CYB5A: variants seen among roughly 807,000 people sequenced by gnomAD.
CYB5A encodes the protein cytochrome b5 type A, also known as cytochrome b5.
In CYB5A, 10 loss-of-function variants were observed where a neutral mutation model predicts 16.2. That is an observed-to-expected ratio of 0.62 (90% CI 0.38 to 1.04). CYB5A has a LOEUF of 1.04. CYB5A is among the 50% of genes least tolerant of loss of function. The pLI, the probability that CYB5A is intolerant of heterozygous loss-of-function variation, is 0.01. For missense variants in CYB5A, 161 were observed against 165.9 expected (o/e 0.97, Z 0.16); for synonymous variants, 62 against 57.0 (o/e 1.09, Z -0.40).
intron 1 of CYB5A, among the ~76,000 whole-genome samples, chr18:74,280,487 A>G (rs2145075623): frequency 6.6e-6 from 1 of 150,872 alleles, no homozygotes; most frequent in East Asian, 2.0e-4. Context: ...CTGAGGTTGG[A>G]GAATCACCTG....
At chr18:74,266,477 T>G (rs1458774566) in intron 1 of CYB5A, among the ~76,000 whole-genome samples, 3 of 152,226 alleles carry the variant, frequency 2.0e-5, no homozygotes, top group South Asian at 2.1e-4. Flanking sequence ...TCGAGTGAGG[T>G]TAAAAACATG....
At chr18:74,256,766 C>G (rs1332768463) in intron 3 of CYB5A, 10 of 1,490,354 alleles carry the variant, frequency 6.7e-6, no homozygotes, top group Non-Finnish European at 9.4e-6. Flanking sequence ...GTTAGAGAAA[C>G]TCCCGTGAAA....
rs756073398 is a variant in CYB5A, at chr18:74,291,786, C to G, written c.90G>C (p.Leu30=). 6.2e-7 allele frequency: 1 copy of G among 1,613,908 alleles called. No individual in the cohort carries two copies. Residue 30 remains leucine (L), a synonymous_variant, in exon 1 of 5, where the codon CTG becomes CTC. Transcript: ENST00000340533. ...HNHSKSTWLI[L]HHKVYDLTKF... is the part of the protein sequence containing the mutation. Reference sequence around the variant, plus strand: ...TGGTCAAATCGTACACCTTGTGGTGCAGGATCAGCCAGGTGCTCTTGCTGT... The same window carrying G: ...TGGTCAAATCGTACACCTTGTGGTGGAGGATCAGCCAGGTGCTCTTGCTGT...
rs187644299 is a variant in CYB5A at position 74,265,755 on chromosome 18, C to T, written c.130-2278G>A. On this transcript the variant is annotated intron_variant, in intron 1 of 4. Coordinates refer to ENST00000340533, the MANE Select transcript of CYB5A (RefSeq NM_148923.4). ...AGTGGAAGGCCCGGGGGAGCCCACA[C>T]ATCTCATGGCGAGAGAGGAGGTGGT... Among the ~76,000 whole-genome samples the T allele has an allele frequency of 7.2e-5, 11 of 152,344 alleles. No homozygotes were observed. The East Asian group carries it at 2.1e-3, about 29-fold the overall frequency.
In CYB5A at chr18:74,291,909, A is replaced by G. The variant is rs766259647; in HGVS notation, c.-34T>C. The G allele has an allele frequency of 4.4e-6, 7 of 1,607,414 alleles. No homozygotes were observed. Among genetic ancestry groups the G allele is most frequent in the Admixed American group, 1.7e-5 (1 of 59,978 alleles). ...GCCGCGAGCCAGGCCCAGCACACAC[A>G]GCCCCGTCGGGTGGAGCAGAGCGCG... On this transcript the variant is annotated 5_prime_UTR_variant, in exon 1 of 5. Coordinates refer to ENST00000340533, the MANE Select transcript of CYB5A (RefSeq NM_148923.4).
chr18:74,260,748 G>T, intron 3 of CYB5A, 167 bp downstream of exon 3: 1 of 694,766 alleles, frequency 1.4e-6, no homozygotes, highest in Non-Finnish European at 2.6e-6. Context: ...CATACTGACA[G>T]GTTTCCGTAA....
At chr18:74,284,663 C>G (rs1983251578) in intron 1 of CYB5A, among the ~76,000 whole-genome samples, 1 of 152,142 alleles carries the variant, frequency 6.6e-6, no homozygotes, top group African/African-American at 2.4e-5. Context: ...GACAGGCTCC[C>G]GTGCCCACCA....
At chr18:74,264,009 G>A (rs117418677) in intron 1 of CYB5A, among the ~76,000 whole-genome samples, 9,879 of 152,146 alleles carry the variant, frequency 0.065, 860 homozygotes, top group East Asian at 0.19. Context: ...TCAGGAGTTC[G>A]AGACCAACCT....
At chr18:74,282,123 T>C (rs1983135941) in intron 1 of CYB5A, among the ~76,000 whole-genome samples, 1 of 152,204 alleles carries the variant, frequency 6.6e-6, no homozygotes, top group African/African-American at 2.4e-5. Context: ...TTCCATGCTC[T>C]GAGACTATGT....
intron 1 of CYB5A, among the ~76,000 whole-genome samples, chr18:74,277,538 T>C (rs761883562): frequency 4.6e-5 from 7 of 152,210 alleles, no homozygotes; most frequent in Non-Finnish European, 4.4e-5. Flanking sequence ...GGCAAAGTCA[T>C]GGCCCCACCC....
intron 1 of CYB5A, among the ~76,000 whole-genome samples, chr18:74,267,436 C>T (rs1166027117): frequency 2.6e-5 from 4 of 152,168 alleles, no homozygotes; most frequent in South Asian, 2.1e-4. Flanking sequence ...GGATTACAGG[C>T]GTGAGCCACA....
chr18:74,257,892 T>C (rs1003458082), intron 3 of CYB5A: 4 of 152,208 alleles, frequency 2.6e-5, no homozygotes, highest in African/African-American at 9.6e-5. Context: ...CATTGCAGCC[T>C]GGGCAACAGA....
intron 1 of CYB5A, among the ~76,000 whole-genome samples, chr18:74,280,471 G>C (rs914166543): frequency 6.6e-6 from 1 of 151,748 alleles, no homozygotes. Context: ...CTCGCTACTT[G>C]GGAGGCTGAG....
chr18:74,287,042 A>G (rs1983347044), intron 1 of CYB5A, among the ~76,000 whole-genome samples: 1 of 152,194 alleles, frequency 6.6e-6, no homozygotes, highest in Non-Finnish European at 1.5e-5. Flanking sequence ...ACGGGTTCAC[A>G]TTCCCCAGGT....
chr18:74,290,368 C>G lies in CYB5A; in HGVS notation c.129+1379G>C, dbSNP rs148109728. 4.6e-3 allele frequency among the ~76,000 whole-genome samples: 704 copies of G among 152,216 alleles called. 11 individuals carry two copies. The Middle Eastern group carries it at 0.048, about 10-fold the overall frequency. On this transcript the variant is annotated intron_variant, in intron 1 of 4. Coordinates refer to ENST00000340533, the MANE Select transcript of CYB5A (RefSeq NM_148923.4). ...TAAGGGATTCTCCTGTCTCAGCCTC[C>G]CGAGTAGCTGGGACTACAGGCGTGC...
intron 1 of CYB5A, among the ~76,000 whole-genome samples, chr18:74,287,060 T>C (rs1463689171): frequency 6.6e-6 from 1 of 152,210 alleles, no homozygotes; most frequent in Admixed American, 6.5e-5. Flanking sequence ...GGTGGCCTTC[T>C]AAGATGTGGT....
At chr18:74,255,903 G>T in intron 3 of CYB5A, 128 bp from the exon 4 acceptor site, 1 of 722,372 alleles carries the variant, frequency 1.4e-6, no homozygotes, top group Non-Finnish European at 2.4e-6. Flanking sequence ...ATGTCGAAAG[G>T]GAAAATTATA....
At chr18:74,286,239 C>T (rs1028991175) in intron 1 of CYB5A, among the ~76,000 whole-genome samples, 6 of 152,234 alleles carry the variant, frequency 3.9e-5, no homozygotes, top group African/African-American at 1.4e-4. Flanking sequence ...TGTCCACTTC[C>T]TTAACATGAT....
chr18:74,280,361 T>C (rs1260950481), intron 1 of CYB5A, among the ~76,000 whole-genome samples: 2 of 151,550 alleles, frequency 1.3e-5, no homozygotes, highest in Non-Finnish European at 2.9e-5. Flanking sequence ...CCTCAGAAGT[T>C]TGAGACCAGC....
Sources: gnomAD v4.1 joint callset for allele counts (sites outside exome capture counted in the v4.1 genomes callset) on GRCh38, gnomAD v4.1.1 for gene constraint, MANE v1.5 for transcripts, NCBI Gene and HGNC (gene_info 2026-07-23, HGNC 2026-07-21) for gene names.